The following SDK1 variants were observed in gnomAD, a reference collection of about 807,000 sequenced individuals.
The protein encoded by SDK1 is protein sidekick-1.
SDK1 carries 157 observed loss-of-function variants against 245.5 expected under a neutral mutation model. The observed-to-expected ratio is 0.64, with a 90% confidence interval of 0.56 to 0.73. The LOEUF (loss-of-function observed/expected upper bound fraction) is 0.73, where lower values mean the gene tolerates loss of function less well. Ranked by LOEUF, SDK1 falls within the 30% of genes least tolerant of loss-of-function variation. The pLI is 0.00. For synonymous variants in SDK1, 1,647 were observed against 1,278.5 expected (o/e 1.29, Z -6.15); for missense variants, 3,583 against 3,002.3 (o/e 1.19, Z -4.52).
chr7:3,593,823 C>G (rs549081425), intron 1 of SDK1, among the ~76,000 whole-genome samples: 1 of 151,934 alleles, frequency 6.6e-6, no homozygotes, highest in Admixed American at 6.5e-5. Context: ...TTTGCCACTT[C>G]GCAGCTCTTT....
chr7:4,029,432 A>C (rs1052767755), intron 17 of SDK1, among the ~76,000 whole-genome samples: 2 of 151,966 alleles, frequency 1.3e-5, no homozygotes, highest in African/African-American at 4.8e-5. Flanking sequence ...GCTGGTCTTG[A>C]ACTTTTGACC....
At chr7:3,826,923 C>T (rs1779789495) in intron 5 of SDK1, among the ~76,000 whole-genome samples, 1 of 152,154 alleles carries the variant, frequency 6.6e-6, no homozygotes, top group Non-Finnish European at 1.5e-5. Flanking sequence ...TGGCTCCCAG[C>T]AAGACTTCAC....
chr7:3,427,087 C>G (rs924021047), intron 1 of SDK1, among the ~76,000 whole-genome samples: 4 of 152,168 alleles, frequency 2.6e-5, no homozygotes, highest in African/African-American at 4.8e-5. Flanking sequence ...CTGAACTACA[C>G]ACAACAATCT....
chr7:3,505,020 T>A (rs535824123), intron 1 of SDK1, among the ~76,000 whole-genome samples: 349 of 152,264 alleles, frequency 2.3e-3, no homozygotes, highest in African/African-American at 8.2e-3. Context: ...GTGATACAAC[T>A]CCTGATGTTT....
intron 5 of SDK1, among the ~76,000 whole-genome samples, chr7:3,852,069 T>C (rs1302462703): frequency 6.6e-6 from 1 of 152,174 alleles, no homozygotes; most frequent in African/African-American, 2.4e-5. Flanking sequence ...GCTGGAGGTC[T>C]GCTTTGTGCA....
At chr7:3,480,332 A>G (rs1479582705) in intron 1 of SDK1, among the ~76,000 whole-genome samples, 2 of 152,198 alleles carry the variant, frequency 1.3e-5, no homozygotes, top group Non-Finnish European at 2.9e-5. Context: ...GAGGCCATGA[A>G]GAAGGCGCCC....
At chr7:4,200,098 A>G (rs1485382404) in intron 35 of SDK1, among the ~76,000 whole-genome samples, 1 of 151,392 alleles carries the variant, frequency 6.6e-6, no homozygotes, top group Non-Finnish European at 1.5e-5. Flanking sequence ...CCATCCCCCC[A>G]CCCCACAAAA....
At chr7:3,641,153 A>ATAT (rs1282306616) in intron 3 of SDK1, among the ~76,000 whole-genome samples, 4 of 152,198 alleles carry the variant, frequency 2.6e-5, no homozygotes, top group Non-Finnish European at 5.9e-5. Flanking sequence ...TGAAGAAGAC[A>ATAT]TTGATAATAG....
chr7:3,661,265 G>A lies in SDK1; in HGVS notation c.713+19160G>A, dbSNP rs1003577635. On this transcript the variant is annotated intron_variant, in intron 4 of 44. Coordinates refer to ENST00000404826, the MANE Select transcript of SDK1 (RefSeq NM_152744.4). ...AATGGTTATATGCAGAGAAACCATG[G>A]TTTGGTTTGAATCTGCTATGTATGG... Among the ~76,000 whole-genome samples, 11 of 152,294 alleles carry A rather than the reference G, an allele frequency of 7.2e-5. No homozygotes were observed. In the South Asian group the frequency reaches 1.2e-3, roughly 17 times the overall value.
intron 1 of SDK1, among the ~76,000 whole-genome samples, chr7:3,378,334 A>G (rs1258157820): frequency 5.3e-5 from 8 of 152,192 alleles, no homozygotes; most frequent in Admixed American, 5.2e-4. Context: ...CTACTTAAAA[A>G]CAAAAGTCCT....
chr7:3,577,864 G>T (rs1337836097), intron 1 of SDK1, among the ~76,000 whole-genome samples: 1 of 151,994 alleles, frequency 6.6e-6, no homozygotes, highest in Non-Finnish European at 1.5e-5. Flanking sequence ...GGCAGCTCCT[G>T]TCATGTCCGT....
chr7:3,548,153 G>C (rs1245532978), intron 1 of SDK1, among the ~76,000 whole-genome samples: 1 of 152,128 alleles, frequency 6.6e-6, no homozygotes, highest in East Asian at 1.9e-4. Context: ...AAATGCATCA[G>C]TTGAATAGAT....
intron 4 of SDK1, among the ~76,000 whole-genome samples, chr7:3,719,480 A>G (rs866967508): frequency 6.6e-6 from 1 of 152,176 alleles, no homozygotes; most frequent in Middle Eastern, 3.2e-3. Flanking sequence ...AGAACCCAGA[A>G]ACAGACCCAC....
chr7:3,893,767 T>G (rs921613829), intron 5 of SDK1, among the ~76,000 whole-genome samples: 1 of 151,640 alleles, frequency 6.6e-6, no homozygotes, highest in African/African-American at 2.4e-5. Flanking sequence ...TCTCCACATC[T>G]TACCCTGCCT....
chr7:3,957,604 T>C (rs1781377264), intron 7 of SDK1, among the ~76,000 whole-genome samples: 1 of 152,204 alleles, frequency 6.6e-6, no homozygotes, highest in South Asian at 2.1e-4. Flanking sequence ...AGATATTGAC[T>C]TAGCTTCCCT....
intron 4 of SDK1, among the ~76,000 whole-genome samples, chr7:3,728,296 G>A (rs769540497): frequency 1.3e-5 from 2 of 152,194 alleles, no homozygotes; most frequent in Non-Finnish European, 2.9e-5. Context: ...TGCAAGTGCT[G>A]TCTCAGGGTT....
At chr7:3,698,413 T>C (rs935059135) in intron 4 of SDK1, among the ~76,000 whole-genome samples, 4 of 152,148 alleles carry the variant, frequency 2.6e-5, no homozygotes, top group African/African-American at 9.7e-5. Flanking sequence ...GCTGTCAGGG[T>C]GTCCCTTGTC....
rs935442173 is a variant in SDK1 at position 4,174,481 on chromosome 7, C to T, written c.4936+124C>T. ...GGCTGAGAGAAGAGGCAGCCCTGCC[C>T]TCAGGAACAGGGAGCAGGCGGGTTT... On this transcript the variant is annotated intron_variant, in intron 33 of 44. Transcript: ENST00000404826. The T allele has an allele frequency of 2.7e-6, 3 of 1,128,984 alleles. No homozygotes were observed. In the African/African-American group the frequency reaches 4.6e-5, roughly 17 times the overall value. 69.9% of individuals were successfully genotyped at this position (1,128,984 alleles called of 1,614,324 possible).
intron 10 of SDK1, among the ~76,000 whole-genome samples, chr7:3,968,154 C>T (rs764471439): frequency 4.6e-5 from 7 of 152,234 alleles, no homozygotes; most frequent in East Asian, 1.9e-4. Context: ...TTAAGGATCA[C>T]GGCCTTTGTT....
Sources: allele counts gnomAD v4.1 joint callset (sites outside exome capture counted in the v4.1 genomes callset), GRCh38; gene constraint gnomAD v4.1.1; transcripts MANE v1.5; gene names NCBI Gene and HGNC (gene_info 2026-07-23, HGNC 2026-07-21).